HDAC9: variants seen among roughly 807,000 people sequenced by gnomAD.
HDAC9 encodes histone deacetylase 9.
HDAC9 carries 41 observed loss-of-function variants against 139.4 expected under a neutral mutation model. That is an observed-to-expected ratio of 0.29 (90% CI 0.23 to 0.38). The LOEUF (loss-of-function observed/expected upper bound fraction) is 0.38, where lower values mean the gene tolerates loss of function less well. Ranked by LOEUF, HDAC9 falls within the 10% of genes least tolerant of loss-of-function variation. The pLI, the probability that HDAC9 is intolerant of heterozygous loss-of-function variation, is 1.00. For missense variants in HDAC9, 1,147 were observed against 1,297.0 expected, an observed-to-expected ratio of 0.88 and a Z score of 1.78; for synonymous variants, 517 against 476.2, an observed-to-expected ratio of 1.09 and a Z score of -1.12.
chr7:18,342,226 A>G (rs1028440854), intron 1 of HDAC9, among the ~76,000 whole-genome samples: 2 of 151,684 alleles, frequency 1.3e-5, no homozygotes, highest in African/African-American at 4.8e-5. Context: ...CCTCCTGTGA[A>G]CGCTTTGGTG....
chr7:18,659,815 C>T (rs1792556735), intron 11 of HDAC9, among the ~76,000 whole-genome samples: 7 of 152,148 alleles, frequency 4.6e-5, no homozygotes, highest in Non-Finnish European at 1.0e-4. Context: ...GCACATTTAT[C>T]TGTCCCACAG....
At chr7:18,960,375 C>G (rs1345714061) in intron 24 of HDAC9, among the ~76,000 whole-genome samples, 5 of 152,034 alleles carry the variant, frequency 3.3e-5, no homozygotes, top group Admixed American at 3.3e-4. Flanking sequence ...GCTTCTCCTC[C>G]TCTTCCTCTA....
intron 2 of HDAC9, among the ~76,000 whole-genome samples, chr7:18,185,978 G>C (rs576119670): frequency 1.3e-5 from 2 of 152,276 alleles, no homozygotes; most frequent in East Asian, 3.9e-4. Flanking sequence ...ACCATTTATT[G>C]AGTGTTCATT....
chr7:18,573,474 T>G (rs2128749567), intron 2 of HDAC9, among the ~76,000 whole-genome samples: 1 of 152,364 alleles, frequency 6.6e-6, no homozygotes, highest in Non-Finnish European at 1.5e-5. Context: ...TGACAGGTGG[T>G]GCCTTCTGCC....
intron 1 of HDAC9, among the ~76,000 whole-genome samples, chr7:18,439,912 T>G (rs1478115390): frequency 6.6e-6 from 1 of 152,190 alleles, no homozygotes; most frequent in African/African-American, 2.4e-5. Context: ...CTTCTATTTT[T>G]TGAACTGCTT....
intron 21 of HDAC9, among the ~76,000 whole-genome samples, chr7:18,858,255 T>C (rs144744798): frequency 2.3e-4 from 35 of 152,284 alleles, no homozygotes; most frequent in African/African-American, 7.7e-4. Flanking sequence ...TGTGAAGAAA[T>C]ACCCTAGACT....
In HDAC9 at chr7:18,760,108, A is replaced by G. The variant is rs535761573; in HGVS notation, c.2044-2049A>G. On this transcript the variant is annotated intron_variant, in intron 14 of 25. Transcript: ENST00000686413. ...ATCAGCATATACGATGTTAGTGGCT[A>G]TGGATTTCAAAGACCCATAGAAGGA... 5.3e-5 allele frequency among the ~76,000 whole-genome samples: 8 copies of G among 152,274 alleles called. No homozygotes were observed. In the South Asian group the frequency reaches 1.7e-3, roughly 32 times the overall value.
At chr7:18,862,273 A>G (rs1438961910) in intron 21 of HDAC9, among the ~76,000 whole-genome samples, 2 of 152,146 alleles carry the variant, frequency 1.3e-5, no homozygotes, top group African/African-American at 4.8e-5. Context: ...GAGAAAGAGA[A>G]TGTGAAGGGG....
At chr7:18,460,098 T>G (rs901824647) in intron 1 of HDAC9, among the ~76,000 whole-genome samples, 1 of 152,046 alleles carries the variant, frequency 6.6e-6, no homozygotes, top group Non-Finnish European at 1.5e-5. Context: ...CTTTTTGACT[T>G]TTTGTAGAGA....
intron 1 of HDAC9, among the ~76,000 whole-genome samples, chr7:18,341,317 T>A (rs1179141090): frequency 6.6e-6 from 1 of 151,560 alleles, no homozygotes; most frequent in Non-Finnish European, 1.5e-5. Context: ...AATTTGAAAA[T>A]TTTTTTGCCA....
chr7:18,423,551 A>T (rs1444871898), intron 1 of HDAC9, among the ~76,000 whole-genome samples: 1 of 152,218 alleles, frequency 6.6e-6, no homozygotes, highest in Non-Finnish European at 1.5e-5. Context: ...AACACAACTA[A>T]TTATTTGCTC....
intron 8 of HDAC9, among the ~76,000 whole-genome samples, 177 bp from the exon 9 acceptor site, chr7:18,644,494 C>T (rs1020157749): frequency 4.6e-5 from 7 of 152,074 alleles, no homozygotes; most frequent in Admixed American, 4.6e-4. Flanking sequence ...ATAACTATGT[C>T]TTTGGAAGAA....
chr7:18,633,376 C>G (rs1337607859), intron 7 of HDAC9, among the ~76,000 whole-genome samples: 2 of 151,988 alleles, frequency 1.3e-5, no homozygotes, highest in African/African-American at 4.8e-5. Flanking sequence ...TGAGAGCACA[C>G]CATTTCTCAA....
chr7:18,824,067 A>T (rs905344723), intron 17 of HDAC9, among the ~76,000 whole-genome samples: 5 of 150,148 alleles, frequency 3.3e-5, no homozygotes, highest in African/African-American at 1.2e-4. Context: ...GAAGAAGAAG[A>T]AGAAGAAGAA....
intron 25 of HDAC9, among the ~76,000 whole-genome samples, chr7:18,987,874 T>C (rs1009030682): frequency 2.0e-5 from 3 of 152,232 alleles, no homozygotes; most frequent in African/African-American, 4.8e-5. Flanking sequence ...TGTAGTATTC[T>C]CTGATGGTAG....
At chr7:18,687,037 G>C (rs967214860) in intron 12 of HDAC9, among the ~76,000 whole-genome samples, 2 of 151,796 alleles carry the variant, frequency 1.3e-5, no homozygotes, top group African/African-American at 4.8e-5. Flanking sequence ...AACAGATACA[G>C]TATGCTTTGA....
chr7:18,959,360 A>T (rs897540249), intron 24 of HDAC9, among the ~76,000 whole-genome samples: 1 of 152,154 alleles, frequency 6.6e-6, no homozygotes, highest in Non-Finnish European at 1.5e-5. Context: ...TATTTATTTA[A>T]ATTTCTTAGT....
chr7:18,285,102 A>G (rs913225723), intron 2 of HDAC9, among the ~76,000 whole-genome samples: 5 of 152,052 alleles, frequency 3.3e-5, no homozygotes, highest in Non-Finnish European at 5.9e-5. Context: ...CAGTCTTCAC[A>G]CTCTGGGCTT....
At chr7:18,419,525 A>T (rs1789421177) in intron 1 of HDAC9, among the ~76,000 whole-genome samples, 1 of 146,478 alleles carries the variant, frequency 6.8e-6, no homozygotes, top group Non-Finnish European at 1.5e-5. Context: ...ATTTCCTGGC[A>T]GTATTTCTCT....
Sources: gnomAD v4.1 joint callset for allele counts (sites outside exome capture counted in the v4.1 genomes callset) on GRCh38, gnomAD v4.1.1 for gene constraint, MANE v1.5 for transcripts, NCBI Gene and HGNC (gene_info 2026-07-23, HGNC 2026-07-21) for gene names.